VPS13B: variants seen among roughly 807,000 people sequenced by gnomAD.
The protein encoded by VPS13B is intermembrane lipid transfer protein VPS13B.
A neutral mutation model predicts 426.4 loss-of-function variants in VPS13B; 285 were observed. That is an observed-to-expected ratio of 0.67 (90% CI 0.61 to 0.74). The LOEUF (loss-of-function observed/expected upper bound fraction) is 0.74, where lower values mean the gene tolerates loss of function less well. VPS13B is among the 30% of genes least tolerant of loss of function. VPS13B has a pLI of 0.00. For missense variants in VPS13B, 4,537 were observed against 4,782.6 expected (o/e 0.95, Z 1.51); for synonymous variants, 1,676 against 1,676.4 (o/e 1.00, Z 0.01).
chr8:99,233,887 T>G (rs1450082507), intron 17 of VPS13B: 5 of 782,180 alleles, frequency 6.4e-6, no homozygotes, highest in Non-Finnish European at 1.2e-5. Context: ...TGTGGCATGC[T>G]TCAGAAGTCC....
At chr8:99,407,292 A>G (rs180795376) in intron 21 of VPS13B, among the ~76,000 whole-genome samples, 1 of 152,168 alleles carries the variant, frequency 6.6e-6, no homozygotes, top group Admixed American at 6.5e-5. Flanking sequence ...GTATATGTAA[A>G]TTTATGTTTA....
chr8:99,344,419 G>A (rs1811421109), intron 19 of VPS13B, among the ~76,000 whole-genome samples: 1 of 152,168 alleles, frequency 6.6e-6, no homozygotes, highest in African/African-American at 2.4e-5. Flanking sequence ...TTATTGATGT[G>A]TTTTCGAATT....
At chr8:99,788,831 A>C (rs1812401460) in intron 43 of VPS13B, among the ~76,000 whole-genome samples, 1 of 152,200 alleles carries the variant, frequency 6.6e-6, no homozygotes, top group Non-Finnish European at 1.5e-5. Context: ...TAAGTTTGCC[A>C]ACACTTGCTT....
chr8:99,416,830 G>T (rs147535390), intron 21 of VPS13B, among the ~76,000 whole-genome samples: 3 of 152,176 alleles, frequency 2.0e-5, no homozygotes, highest in South Asian at 2.1e-4. Context: ...CACTGATCTC[G>T]CTGGGAGCTG....
At chr8:99,695,169 A>G (rs1831903541) in intron 35 of VPS13B, among the ~76,000 whole-genome samples, 1 of 151,410 alleles carries the variant, frequency 6.6e-6, no homozygotes, top group Non-Finnish European at 1.5e-5. Flanking sequence ...AACTAGAAAT[A>G]CCATTTGACC....
In VPS13B at chr8:99,507,209, A is replaced by G. The variant is rs1173901763; in HGVS notation, c.4224+6A>G. Reference sequence around the variant, plus strand: ...AATGCAAAGAAAAATCTGTGGTGAGACCCATTTAGTTACTATGATTTTTGA... The same window carrying G: ...AATGCAAAGAAAAATCTGTGGTGAGGCCCATTTAGTTACTATGATTTTTGA... On this transcript the variant is annotated splice_donor_region_variant and intron_variant, in intron 28 of 61. Transcript: ENST00000357162. 2 of 1,613,590 alleles carry G rather than the reference A, an allele frequency of 1.2e-6. No homozygotes were observed. Among genetic ancestry groups the G allele is most frequent in the Non-Finnish European group, 1.7e-6 (2 of 1,179,746 alleles).
intron 2 of VPS13B, among the ~76,000 whole-genome samples, chr8:99,031,093 T>G (rs1476646969): frequency 3.3e-5 from 5 of 152,154 alleles, no homozygotes; most frequent in Non-Finnish European, 1.5e-5. Flanking sequence ...AAGAACCCAC[T>G]GATGATGTCA....
intron 3 of VPS13B, among the ~76,000 whole-genome samples, chr8:99,058,697 T>C (rs1454233361): frequency 6.6e-6 from 1 of 152,208 alleles, no homozygotes; most frequent in Admixed American, 6.5e-5. Flanking sequence ...ATTAGTTAGA[T>C]TCTTTTTGCC....
At chr8:99,331,272 T>C (rs1810527634) in intron 19 of VPS13B, among the ~76,000 whole-genome samples, 3 of 151,810 alleles carry the variant, frequency 2.0e-5, no homozygotes, top group Admixed American at 2.0e-4. Flanking sequence ...ACTTAAGGGA[T>C]CAACCTGTTC....
At chr8:99,425,292 T>A (rs895356292) in intron 21 of VPS13B, among the ~76,000 whole-genome samples, 1 of 152,178 alleles carries the variant, frequency 6.6e-6, no homozygotes, top group East Asian at 1.9e-4. Flanking sequence ...ATATCCCTGA[T>A]GAACATCGAT....
intron 19 of VPS13B, among the ~76,000 whole-genome samples, chr8:99,328,133 G>C (rs535856656): frequency 5.8e-4 from 88 of 152,136 alleles, no homozygotes; most frequent in Non-Finnish European, 6.3e-4. Context: ...ATTCTCCTAG[G>C]AGTGCAAACC....
chr8:99,667,946 G>A (rs1830552468), intron 35 of VPS13B, among the ~76,000 whole-genome samples: 1 of 152,070 alleles, frequency 6.6e-6, no homozygotes, highest in Admixed American at 6.6e-5. Context: ...GCTTTATAAT[G>A]TTCCCAATAA....
chr8:99,056,192 G>A (rs1843844093), intron 3 of VPS13B, among the ~76,000 whole-genome samples: 1 of 152,002 alleles, frequency 6.6e-6, no homozygotes, highest in South Asian at 2.1e-4. Flanking sequence ...AAGTAGCAGG[G>A]ACTACAGGTG....
At chr8:99,208,962 AG>A (rs1349822967) in intron 17 of VPS13B, among the ~76,000 whole-genome samples, 15 of 152,206 alleles carry the variant, frequency 9.9e-5, no homozygotes, top group African/African-American at 3.6e-4. Context: ...TCTAGTTTTC[AG>A]AGAACTACTT....
chr8:99,095,188 C>T (rs1031426572), intron 3 of VPS13B, among the ~76,000 whole-genome samples: 4 of 152,192 alleles, frequency 2.6e-5, no homozygotes, highest in African/African-American at 9.7e-5. Context: ...TGGCAGCCTC[C>T]TCCTAATTAC....
At chr8:99,329,651 T>C (rs2133151146) in intron 19 of VPS13B, among the ~76,000 whole-genome samples, 1 of 152,230 alleles carries the variant, frequency 6.6e-6, no homozygotes, top group Middle Eastern at 3.4e-3. Flanking sequence ...TGTAGTGGAT[T>C]ACATTAAACA....
Position 99,665,962 on chromosome 8 carries a change from T to A in VPS13B, c.6046+4471T>A, listed in dbSNP as rs565143379. Among the ~76,000 whole-genome samples the A allele has an allele frequency of 3.9e-3, 591 of 152,316 alleles. 6 individuals are homozygous for A. Among genetic ancestry groups the A allele is most frequent in the African/African-American group, 0.013 (526 of 41,568 alleles). The stretch of plus-strand genomic sequence containing the variant: ...CTTCCTACCCATGAGCATGGAATGT[T>A]CTTCCATTTGTTTGTATCCTCTTTT... On this transcript the variant is annotated intron_variant, in intron 35 of 61. Coordinates refer to ENST00000357162, the MANE Select transcript of VPS13B (RefSeq NM_152564.5).
intron 17 of VPS13B, among the ~76,000 whole-genome samples, chr8:99,249,095 G>C (rs1445838150): frequency 6.6e-6 from 1 of 151,982 alleles, no homozygotes; most frequent in African/African-American, 2.4e-5. Context: ...TTTTGTCTCT[G>C]TGGATTTTCC....
intron 17 of VPS13B, among the ~76,000 whole-genome samples, chr8:99,251,743 A>G (rs1817522323): frequency 6.6e-6 from 1 of 152,046 alleles, no homozygotes; most frequent in Non-Finnish European, 1.5e-5. Context: ...ATTGTGTAGA[A>G]GAGATGTTAA....
Sources: allele counts gnomAD v4.1 joint callset (sites outside exome capture counted in the v4.1 genomes callset), GRCh38; gene constraint gnomAD v4.1.1; transcripts MANE v1.5; gene names NCBI Gene and HGNC (gene_info 2026-07-23, HGNC 2026-07-21).